TMEM50B: variants seen among roughly 807,000 people sequenced by gnomAD.
TMEM50B encodes transmembrane protein 50B.
A neutral mutation model predicts 23.4 loss-of-function variants in TMEM50B; 14 were observed. That is an observed-to-expected ratio of 0.60 (90% CI 0.39 to 0.93). The LOEUF (loss-of-function observed/expected upper bound fraction) is 0.93. Among genes scored for constraint, TMEM50B ranks in the 40% least tolerant of loss-of-function variants. The pLI, the probability that TMEM50B is intolerant of heterozygous loss-of-function variation, is 0.00. For synonymous variants in TMEM50B, 64 were observed against 62.3 expected, an observed-to-expected ratio of 1.03 and a Z score of -0.13; for missense variants, 159 against 193.0, an observed-to-expected ratio of 0.82 and a Z score of 1.04.
intron 7 of TMEM50B, among the ~76,000 whole-genome samples, chr21:33,440,599 T>C (rs1490367446): frequency 6.7e-6 from 1 of 149,840 alleles, no homozygotes; most frequent in African/African-American, 2.5e-5. Context: ...AATAATAAAA[T>C]AGGCCGGGTG....
chr21:33,435,860 G>A (rs2083941307), intron 8 of TMEM50B, among the ~76,000 whole-genome samples: 1 of 114,980 alleles, frequency 8.7e-6, no homozygotes, highest in Non-Finnish European at 1.6e-5. Flanking sequence ...CTCCAGCCTG[G>A]CAACAGAGCA....
intron 1 of TMEM50B, among the ~76,000 whole-genome samples, chr21:33,478,064 C>T (rs1466971570): frequency 6.8e-6 from 1 of 147,872 alleles, no homozygotes; most frequent in Non-Finnish European, 1.5e-5. Flanking sequence ...GAACCCAGGA[C>T]GTGGAGCTTG....
chr21:33,455,119 AAAAAATAAATAAATAAAT>A (rs1306343046), intron 6 of TMEM50B, among the ~76,000 whole-genome samples: 13 of 152,164 alleles, frequency 8.5e-5, no homozygotes, highest in Admixed American at 3.9e-4. Flanking sequence ...ACTCCCTCGC[AAAAAATAAATAAATAAAT>A]AAAAATAAAA....
chr21:33,457,722 A>T (rs1337290822), intron 5 of TMEM50B, among the ~76,000 whole-genome samples: 1 of 152,076 alleles, frequency 6.6e-6, no homozygotes, highest in Non-Finnish European at 1.5e-5. Context: ...CATACCTTAC[A>T]GAAATGGCAA....
chr21:33,455,896 T>C (rs1601118089), intron 5 of TMEM50B, 112 bp from the exon 6 acceptor site: 1 of 802,568 alleles, frequency 1.2e-6, no homozygotes, highest in Middle Eastern at 2.3e-4. Context: ...ACTGCTATTA[T>C]TCATTAACTG....
intron 5 of TMEM50B, among the ~76,000 whole-genome samples, chr21:33,457,486 C>G (rs1427870162): frequency 6.6e-6 from 1 of 151,752 alleles, no homozygotes; most frequent in Non-Finnish European, 1.5e-5. Context: ...CCTGTCTCTA[C>G]TAAAAATACA....
At chr21:33,460,022 A>G (rs1437419460) in intron 5 of TMEM50B, among the ~76,000 whole-genome samples, 1 of 152,236 alleles carries the variant, frequency 6.6e-6, no homozygotes, top group Non-Finnish European at 1.5e-5. Context: ...CTAGTTATAA[A>G]TAACTTGATT....
At position 33,450,614 on chromosome 21, in the gene TMEM50B, T is replaced by C; in HGVS notation, c.*204A>G. 4.3e-6 allele frequency: 2 copies of C among 467,382 alleles called. No individual in the cohort carries two copies. Among genetic ancestry groups the C allele is most frequent in the Non-Finnish European group, 7.8e-6 (2 of 257,454 alleles). 29.0% of individuals were successfully genotyped at this position (467,382 alleles called of 1,614,324 possible). A position where few individuals can be genotyped will look rare whatever the true frequency, so the allele number is the denominator to read the frequency against. On this transcript the variant is annotated 3_prime_UTR_variant, in exon 7 of 7. Transcript: ENST00000542230. ...GATACTCATTATCCAATTCATATAG[T>C]CTTGTATTATATACATATTAACAGT...
At chr21:33,437,614 C>G (rs774371065) in intron 8 of TMEM50B, 1 of 152,552 alleles carries the variant, frequency 6.6e-6, no homozygotes, top group Non-Finnish European at 1.5e-5. Context: ...TAAATAACAC[C>G]TGCTAGAGCT....
At chr21:33,474,807 TAAATAAATAAAATAAAATAAAATAA>T (rs2084352381) in intron 1 of TMEM50B, among the ~76,000 whole-genome samples, 1 of 69,878 alleles carries the variant, frequency 1.4e-5, no homozygotes, top group Non-Finnish European at 3.4e-5. Flanking sequence ...TAAAAATAAA[TAAATAAATAAAATAAAATAAAATAA>T]AAATAAATAA....
At chr21:33,436,824 C>G in intron 8 of TMEM50B, 1 of 1,613,928 alleles carries the variant, frequency 6.2e-7, no homozygotes, top group Non-Finnish European at 8.5e-7. Context: ...CCAACCTCCT[C>G]AAGTATTTAA....
chr21:33,467,270 C>G, intron 2 of TMEM50B, 148 bp from the exon 3 acceptor site: 1 of 629,272 alleles, frequency 1.6e-6, no homozygotes, highest in South Asian at 2.1e-5. Context: ...GAGGCCAAGG[C>G]AGGTGGATTA....
Position 33,438,949 on chromosome 21 carries a change from C to T in TMEM50B, c.*2120+265G>A, listed in dbSNP as rs1461591193. ...TTCACCATGTTGGCCAGGCTGGTCTCGAACTCCTGACCTCATGATCCACCC... is the reference window on the plus strand; with the variant it reads ...TTCACCATGTTGGCCAGGCTGGTCTTGAACTCCTGACCTCATGATCCACCC... On this transcript the variant is annotated intron_variant and NMD_transcript_variant, in intron 8 of 8. Transcript: ENST00000420455. Among the ~76,000 whole-genome samples the T allele has an allele frequency of 2.6e-5, 4 of 151,920 alleles. No individual in the cohort carries two copies. The East Asian group carries it at 7.8e-4, about 30-fold the overall frequency.
intron 4 of TMEM50B, among the ~76,000 whole-genome samples, chr21:33,460,748 G>A (rs1170021717): frequency 1.3e-5 from 2 of 151,410 alleles, no homozygotes; most frequent in African/African-American, 4.9e-5. Flanking sequence ...CTAGAGAAAC[G>A]AATGCCCTAA....
intron 1 of TMEM50B, among the ~76,000 whole-genome samples, chr21:33,471,942 G>A (rs945498867): frequency 6.7e-6 from 1 of 149,626 alleles, no homozygotes; most frequent in Admixed American, 6.7e-5. Context: ...GGCTGAGGCA[G>A]AATGGCGAGA....
At chr21:33,461,183 G>A (rs1424344833) in intron 4 of TMEM50B, among the ~76,000 whole-genome samples, 2 of 152,192 alleles carry the variant, frequency 1.3e-5, no homozygotes, top group Non-Finnish European at 2.9e-5. Context: ...TCAACCTCTG[G>A]AAGGGGAAGA....
chr21:33,433,357 A>G (rs1298998789), intron 8 of TMEM50B, among the ~76,000 whole-genome samples: 1 of 152,102 alleles, frequency 6.6e-6, no homozygotes, highest in Non-Finnish European at 1.5e-5. Flanking sequence ...AGGTGGAAGC[A>G]CTCCGGTGTC....
intron 4 of TMEM50B, among the ~76,000 whole-genome samples, chr21:33,462,085 T>C (rs1341695341): frequency 6.6e-6 from 1 of 152,168 alleles, no homozygotes; most frequent in Non-Finnish European, 1.5e-5. Context: ...AGGTTCTAAG[T>C]ACAATGATCA....
exon 9 of TMEM50B, chr21:33,432,590 G>A: frequency 3.7e-6 from 4 of 1,077,976 alleles, no homozygotes; most frequent in South Asian, 1.3e-5. Context: ...AGGGTGGGGG[G>A]TAGAGGGACT....
Sources: gnomAD v4.1 joint callset for allele counts (sites outside exome capture counted in the v4.1 genomes callset) on GRCh38, gnomAD v4.1.1 for gene constraint, MANE v1.5 for transcripts, NCBI Gene and HGNC (gene_info 2026-07-23, HGNC 2026-07-21) for gene names.